The following ATXN1 variants were observed in gnomAD, a reference collection of about 807,000 sequenced individuals.
ATXN1 encodes the protein ataxin-1.
Under a neutral mutation model 56.4 loss-of-function variants are expected in ATXN1, and 8 were observed. The ratio of observed to expected loss-of-function variants is 0.14; its 90% confidence interval spans 0.08 to 0.26. The LOEUF is 0.26. ATXN1 is among the 10% of genes least tolerant of loss of function. The pLI is 1.00. For missense variants in ATXN1, 987 were observed against 1,106.5 expected (o/e 0.89, Z 1.53); for synonymous variants, 514 against 494.6 (o/e 1.04, Z -0.52).
chr6:16,328,499 G>GTT lies in ATXN1; in HGVS notation c.-160-30_-160-29insAA, dbSNP rs1349417509. The GTT allele has an allele frequency of 1.1e-5, 12 of 1,090,416 alleles. No homozygotes were observed. Among genetic ancestry groups the GTT allele is most frequent in the Non-Finnish European group, 1.4e-5 (12 of 838,992 alleles). The allele number at this position is 1,090,416 out of a possible 1,614,324, so 67.5% of individuals were successfully genotyped here. On this transcript the variant is annotated intron_variant, in intron 6 of 7. Coordinates refer to ENST00000436367, the MANE Select transcript of ATXN1 (RefSeq NM_001128164.2). This position sits in a 1 kb window ranked among gnomAD's most constrained non-coding sequence, Gnocchi z 6.2. The stretch of plus-strand genomic sequence containing the variant: ...GGAAAGGGAAGAGGGCAGTGACAAA[G>GTT]GGAAAAGGAAAGGGAGGAGAAAGGG...
intron 5 of ATXN1, among the ~76,000 whole-genome samples, chr6:16,518,311 A>AC (rs1490250415): frequency 1.3e-5 from 2 of 152,220 alleles, no homozygotes; most frequent in East Asian, 3.9e-4. Context: ...GGAATGAGTA[A>AC]CCCGGCTGGG....
chr6:16,516,135 G>A (rs1285208464), intron 5 of ATXN1, among the ~76,000 whole-genome samples: 14 of 152,154 alleles, frequency 9.2e-5, no homozygotes, highest in Admixed American at 9.2e-4. Context: ...CATCACCATA[G>A]CTAATTAATG....
chr6:16,347,457 G>A (rs1419039231), intron 6 of ATXN1, among the ~76,000 whole-genome samples: 4 of 151,948 alleles, frequency 2.6e-5, no homozygotes, highest in Non-Finnish European at 5.9e-5. Flanking sequence ...TCTGTAACTA[G>A]CTACTCTGGT....
At chr6:16,412,777 T>C (rs767412805) in intron 6 of ATXN1, among the ~76,000 whole-genome samples, 3 of 152,212 alleles carry the variant, frequency 2.0e-5, no homozygotes, top group Non-Finnish European at 4.4e-5. Context: ...TTCTTTGTCC[T>C]TTTCTCCCCA....
intron 4 of ATXN1, among the ~76,000 whole-genome samples, chr6:16,578,546 G>A (rs1762466711): frequency 6.6e-6 from 1 of 152,072 alleles, no homozygotes; most frequent in African/African-American, 2.4e-5. Flanking sequence ...TTCCTTTCTG[G>A]TCAGTCAGTT....
At chr6:16,639,078 C>T (rs1322926682) in intron 3 of ATXN1, among the ~76,000 whole-genome samples, 1 of 152,116 alleles carries the variant, frequency 6.6e-6, no homozygotes, top group Non-Finnish European at 1.5e-5. Context: ...GTAAAATGGA[C>T]CAATCAGCAC....
At chr6:16,582,774 C>A (rs898701765) in intron 4 of ATXN1, among the ~76,000 whole-genome samples, 4 of 152,248 alleles carry the variant, frequency 2.6e-5, no homozygotes, top group African/African-American at 9.6e-5. Context: ...CATTTCTGCA[C>A]ACCAGCCAGT....
chr6:16,558,230 G>A (rs1762048131), intron 4 of ATXN1, among the ~76,000 whole-genome samples: 1 of 149,622 alleles, frequency 6.7e-6, no homozygotes, highest in Middle Eastern at 3.4e-3. Context: ...GAGCCCAGGA[G>A]TTCCAGGTTG....
intron 2 of ATXN1, among the ~76,000 whole-genome samples, chr6:16,660,224 T>C (rs1758287935): frequency 6.6e-6 from 1 of 152,212 alleles, no homozygotes; most frequent in African/African-American, 2.4e-5. Context: ...TTAATCTCTG[T>C]CACCTATCCC....
chr6:16,411,481 T>A (rs942654401), intron 6 of ATXN1, among the ~76,000 whole-genome samples: 2 of 152,094 alleles, frequency 1.3e-5, no homozygotes, highest in Non-Finnish European at 2.9e-5. Context: ...TGGAAAAAGT[T>A]TATATCTGAT....
chr6:16,323,055 G>A (rs771882767), intron 7 of ATXN1, among the ~76,000 whole-genome samples: 5 of 152,150 alleles, frequency 3.3e-5, no homozygotes, highest in African/African-American at 9.7e-5. Flanking sequence ...CTACCTGCTC[G>A]TCTGCACCCT....
chr6:16,629,846 G>A (rs1407529943), intron 3 of ATXN1, among the ~76,000 whole-genome samples: 2 of 151,092 alleles, frequency 1.3e-5, no homozygotes, highest in African/African-American at 2.4e-5. Flanking sequence ...GAACCCAGGA[G>A]GCAGAGGTTG....
At chr6:16,494,886 C>G (rs1047678225) in intron 5 of ATXN1, among the ~76,000 whole-genome samples, 2 of 152,178 alleles carry the variant, frequency 1.3e-5, no homozygotes, top group African/African-American at 4.8e-5. Flanking sequence ...ACAGAAAGAA[C>G]AGTGGGCCAG....
intron 3 of ATXN1, among the ~76,000 whole-genome samples, chr6:16,592,649 T>C (rs1762743084): frequency 6.6e-6 from 1 of 152,132 alleles, no homozygotes; most frequent in African/African-American, 2.4e-5. Context: ...CCACGTCTCC[T>C]AGCTGATTCT....
At chr6:16,732,137 G>A (rs1760002377) in intron 2 of ATXN1, among the ~76,000 whole-genome samples, 1 of 151,990 alleles carries the variant, frequency 6.6e-6, no homozygotes, top group South Asian at 2.1e-4. Flanking sequence ...AGCTTTATAG[G>A]CACACTGTAG....
rs1479022460 is a variant in ATXN1 at position 16,430,622 on chromosome 6, A to C, written c.-161+55350T>G. On this transcript the variant is annotated intron_variant, in intron 6 of 7. Coordinates refer to ENST00000436367, the MANE Select transcript of ATXN1 (RefSeq NM_001128164.2). ...CCCCTTCCATTTTTGGGAAAGATGC[A>C]ACTGACTGTGTAAGGGAGAGGAGAA... Among the ~76,000 whole-genome samples the C allele has an allele frequency of 2.0e-5, 3 of 152,226 alleles. No individual in the cohort carries two copies. In the East Asian group the frequency reaches 5.8e-4, roughly 29 times the overall value.
intron 2 of ATXN1, among the ~76,000 whole-genome samples, chr6:16,690,068 G>GT (rs963416937): frequency 1.8e-4 from 28 of 151,720 alleles, no homozygotes; most frequent in South Asian, 4.2e-4. Context: ...ACTGGGTTGG[G>GT]TTTTTTTTAA....
At chr6:16,733,937 CAGG>C (rs1760051812) in intron 2 of ATXN1, among the ~76,000 whole-genome samples, 1 of 151,988 alleles carries the variant, frequency 6.6e-6, no homozygotes, top group Non-Finnish European at 1.5e-5. Flanking sequence ...TTCTTGTGGT[CAGG>C]AGTTCAAAAC....
intron 3 of ATXN1, among the ~76,000 whole-genome samples, chr6:16,611,368 G>A (rs780054613): frequency 2.0e-5 from 3 of 152,038 alleles, no homozygotes; most frequent in Non-Finnish European, 2.9e-5. Flanking sequence ...ATTACAGACA[G>A]TAAATCATAT....
Sources: allele counts gnomAD v4.1 joint callset (sites outside exome capture counted in the v4.1 genomes callset), GRCh38; gene constraint gnomAD v4.1.1; non-coding constraint Gnocchi (gnomAD v3.1); transcripts MANE v1.5; gene names NCBI Gene and HGNC (gene_info 2026-07-23, HGNC 2026-07-21).